The following PPP1R37 variants were observed in gnomAD, a reference collection of about 807,000 sequenced individuals.
The protein encoded by PPP1R37 is protein phosphatase 1 regulatory subunit 37.
A neutral mutation model predicts 61.0 loss-of-function variants in PPP1R37; 21 were observed. The ratio of observed to expected loss-of-function variants is 0.34; its 90% confidence interval spans 0.24 to 0.50. The LOEUF (loss-of-function observed/expected upper bound fraction) is 0.50, where lower values mean the gene tolerates loss of function less well. PPP1R37 is among the 20% of genes least tolerant of loss of function. The probability of loss-of-function intolerance (pLI) is 0.98; values close to 1 mark genes in which losing one functional copy is unlikely to be tolerated. For missense variants in PPP1R37, 910 were observed against 952.7 expected (o/e 0.96, Z 0.59); for synonymous variants, 443 against 433.5 (o/e 1.02, Z -0.27).
chr19:45,096,248 G>T (rs1967991998), intron 1 of PPP1R37, among the ~76,000 whole-genome samples: 1 of 152,150 alleles, frequency 6.6e-6, no homozygotes, highest in Non-Finnish European at 1.5e-5. Context: ...GCGTGGGCCT[G>T]GAGTGAGGTG....
intron 1 of PPP1R37, among the ~76,000 whole-genome samples, chr19:45,119,361 C>T (rs1968310921): frequency 6.6e-6 from 1 of 152,132 alleles, no homozygotes; most frequent in Non-Finnish European, 1.5e-5. Flanking sequence ...CCCTGTTGGC[C>T]CGACTGGTGT....
At chr19:45,143,483 G>A (rs904396820) in intron 7 of PPP1R37, 38 bp from the exon 8 acceptor site, 107 of 1,323,962 alleles carry the variant, frequency 8.1e-5, no homozygotes, top group South Asian at 1.5e-4. Context: ...GGAAGCACCC[G>A]GACCCCAGAC....
At position 45,130,739 on chromosome 19, in the gene PPP1R37, C is replaced by G. The variant is rs1009815641; in HGVS notation, c.203-7775C>G. 2.0e-5 allele frequency among the ~76,000 whole-genome samples: 3 copies of G among 152,234 alleles called. No homozygotes were observed. Among genetic ancestry groups the G allele is most frequent in the Non-Finnish European group, 4.4e-5 (3 of 68,040 alleles). ...GGGCCCTAGCTAGGACCTCCTGACT[C>G]TGGTGCTCTGTGAACCTGGCTCGCA... On this transcript the variant is annotated intron_variant, in intron 1 of 12. Transcript: ENST00000221462. This position sits in a 1 kb window ranked among gnomAD's most constrained non-coding sequence, Gnocchi z 4.4.
chr19:45,129,733 C>T (rs1968452842), intron 1 of PPP1R37, among the ~76,000 whole-genome samples: 1 of 152,200 alleles, frequency 6.6e-6, no homozygotes, highest in Admixed American at 6.5e-5. Context: ...CCCCCACAGA[C>T]TAAGGCCAGC....
chr19:45,133,456 A>G (rs1213182352), intron 1 of PPP1R37, among the ~76,000 whole-genome samples: 1 of 152,172 alleles, frequency 6.6e-6, no homozygotes, highest in Non-Finnish European at 1.5e-5. Context: ...TGTGAAGCCC[A>G]CCTAAGGTCA....
intron 1 of PPP1R37, 80 bp downstream of exon 1, chr19:45,093,607 G>A (rs1967952480): frequency 6.2e-6 from 7 of 1,135,636 alleles, no homozygotes; most frequent in Admixed American, 2.2e-5. Context: ...CCCGGCTCGA[G>A]GTGGCGTTCA....
Position 45,144,869 on chromosome 19 carries a change from C to T in PPP1R37, c.1003C>T (p.Leu335=), listed in dbSNP as rs1217406327. ...CTCCCTCCAGCCGCACACTCAGAGC[C>T]TGGAGACGCTGAACCTGGGCCACAA... ...LGMTLPHTQS[L]ETLNLGHNPI... The change falls in exon 9 of 13, where the codon CTG becomes TTG. Residue 335 remains leucine (L), a synonymous_variant. Transcript: ENST00000221462. The T allele has an allele frequency of 6.5e-7, 1 of 1,534,520 alleles. No individual in the cohort carries two copies. Among genetic ancestry groups the T allele is most frequent in the South Asian group, 1.2e-5 (1 of 83,720 alleles).
intron 1 of PPP1R37, among the ~76,000 whole-genome samples, chr19:45,097,540 G>A (rs544972439): frequency 2.6e-5 from 4 of 152,008 alleles, no homozygotes; most frequent in African/African-American, 7.2e-5. Flanking sequence ...GAGGGTGAGC[G>A]CTCCCTCAGG....
At position 45,145,233 on chromosome 19, in the gene PPP1R37, C is replaced by G. The variant is rs1013413917; in HGVS notation, c.1269C>G (p.Asp423Glu). The change falls in exon 10 of 13, where the codon GAC becomes GAG. Residue 423 changes from aspartate (D) to glutamate (E), a missense_variant. By Grantham distance (45) the Asp-to-Glu change is conservative. Transcript: ENST00000221462. ...TGAACCACTCACTGCTGCGCCTGGA[C>G]CTCGACCGTGAACCCAAGAAAGAGG... ...LKVNHSLLRL[D>E]LDREPKKEAV... 2 of 1,533,940 alleles carry G rather than the reference C, an allele frequency of 1.3e-6. No homozygotes were observed. The highest frequency in any genetic ancestry group is 2.7e-5 in the African/African-American group (2 of 72,964).
At chr19:45,106,807 C>CTTTT (rs927426410) in intron 1 of PPP1R37, among the ~76,000 whole-genome samples, 7 of 78,112 alleles carry the variant, frequency 9.0e-5, no homozygotes, top group Non-Finnish European at 1.5e-4. Context: ...TGTTGAGCAT[C>CTTTT]TTTTTTTTTT....
intron 1 of PPP1R37, among the ~76,000 whole-genome samples, chr19:45,132,299 A>G (rs1324132048): frequency 1.3e-5 from 2 of 151,916 alleles, no homozygotes; most frequent in African/African-American, 4.8e-5. Flanking sequence ...AGGAGCAGTT[A>G]CGTATTTTTT....
At chr19:45,142,495 C>T in intron 7 of PPP1R37, 37 bp downstream of exon 7, 1 of 1,529,486 alleles carries the variant, frequency 6.5e-7, no homozygotes, top group Non-Finnish European at 8.8e-7. Context: ...CACCCGTCAC[C>T]CAGCACCCAC....
intron 1 of PPP1R37, among the ~76,000 whole-genome samples, chr19:45,100,724 A>G (rs376546775): frequency 8.5e-5 from 13 of 152,346 alleles, no homozygotes; most frequent in African/African-American, 2.4e-4. Flanking sequence ...TAGAGGCAAC[A>G]GTGCTGGCTT....
chr19:45,134,794 C>T (rs147778468), intron 1 of PPP1R37, among the ~76,000 whole-genome samples: 67 of 152,246 alleles, frequency 4.4e-4, no homozygotes, highest in African/African-American at 1.5e-3. Context: ...ATGTGACCTC[C>T]TCGGTCTCTG....
At chr19:45,103,660 G>T (rs1968092245) in intron 1 of PPP1R37, among the ~76,000 whole-genome samples, 1 of 152,206 alleles carries the variant, frequency 6.6e-6, no homozygotes, top group South Asian at 2.1e-4. Flanking sequence ...GCTGCCAAAA[G>T]GTGAAAGCGA....
At chr19:45,120,052 C>T (rs562910765) in intron 1 of PPP1R37, among the ~76,000 whole-genome samples, 3 of 105,720 alleles carry the variant, frequency 2.8e-5, no homozygotes, top group African/African-American at 1.0e-4. Context: ...GAGTCTCACT[C>T]TGTCGCCCAG....
Position 45,145,811 on chromosome 19 carries a change from GTCCCCCACCCCTCCCTC to G in PPP1R37, c.1767_1783del (p.Pro590SerfsTer16), listed in dbSNP as rs1436942951. ...CGCCCGAGAGGGCAGAGCCCCCTGC[GTCCCCCACCCCTCCCTC>G]TCCCCCACCCCCTCCCTCCCCACCC... is the stretch of plus-strand genomic sequence containing the variant. On this transcript the variant is annotated frameshift_variant, in exon 11 of 13. Coordinates refer to ENST00000221462, the MANE Select transcript of PPP1R37 (RefSeq NM_019121.2). LOFTEE classifies it high-confidence loss of function. 1 of 1,448,336 alleles carries G rather than the reference GTCCCCCACCCCTCCCTC, an allele frequency of 6.9e-7. No homozygotes were observed. The highest frequency in any genetic ancestry group is 9.1e-7 in the Non-Finnish European group (1 of 1,103,062). The allele number at this position is 1,448,336 out of a possible 1,614,324, so 89.7% of individuals were successfully genotyped here.
Position 45,093,312 on chromosome 19 carries a change from AGGC to A in PPP1R37, c.-4_-2del, listed in dbSNP as rs1967945641. ...GCATGTCCCCGGGGCCCCCGTGAGGAGGCGGCGGCGGCTATGGAGATCGCGCCG... is the reference window on the plus strand; with the variant it reads ...GCATGTCCCCGGGGCCCCCGTGAGGAGGCGGCGGCTATGGAGATCGCGCCG... On this transcript the variant is annotated 5_prime_UTR_variant, in exon 1 of 13. Transcript: ENST00000221462. 16 of 1,403,244 alleles carry A rather than the reference AGGC, an allele frequency of 1.1e-5. No individual in the cohort carries two copies. Among genetic ancestry groups the A allele is most frequent in the South Asian group, 6.1e-5 (4 of 65,178 alleles). 86.9% of individuals were successfully genotyped at this position (1,403,244 alleles called of 1,614,324 possible).
chr19:45,108,442 A>G (rs1968160127), intron 1 of PPP1R37, among the ~76,000 whole-genome samples: 1 of 151,500 alleles, frequency 6.6e-6, no homozygotes, highest in Non-Finnish European at 1.5e-5. Context: ...TCCTGATCTC[A>G]GGTGATCTGC....
Sources: allele counts gnomAD v4.1 joint callset (sites outside exome capture counted in the v4.1 genomes callset), GRCh38; gene constraint gnomAD v4.1.1; non-coding constraint Gnocchi (gnomAD v3.1); transcripts MANE v1.5; gene names NCBI Gene and HGNC (gene_info 2026-07-23, HGNC 2026-07-21).